The following ATOH8 variants were observed in gnomAD, a reference collection of about 807,000 sequenced individuals.
ATOH8 encodes the protein transcription factor ATOH8.
In ATOH8, 9 loss-of-function variants were observed where a neutral mutation model predicts 21.2. The ratio of observed to expected loss-of-function variants is 0.42; its 90% CI spans 0.26 to 0.74. The LOEUF (loss-of-function observed/expected upper bound fraction) is 0.74, where lower values mean the gene tolerates loss of function less well. Ranked by LOEUF, ATOH8 falls within the 30% of genes least tolerant of loss-of-function variation. The pLI, the probability that ATOH8 is intolerant of heterozygous loss-of-function variation, is 0.24. For synonymous variants in ATOH8, 253 were observed against 224.0 expected (o/e 1.13, Z -1.16); for missense variants, 524 against 470.9 (o/e 1.11, Z -1.04).
At chr2:85,768,777 G>T (rs1244657150) in intron 2 of ATOH8, among the ~76,000 whole-genome samples, 2 of 152,164 alleles carry the variant, frequency 1.3e-5, no homozygotes, top group Non-Finnish European at 2.9e-5. Context: ...CAGGGGGTGG[G>T]GAACCTGCAT....
intron 1 of ATOH8, among the ~76,000 whole-genome samples, chr2:85,759,264 G>A (rs927613764): frequency 2.0e-5 from 3 of 152,188 alleles, no homozygotes; most frequent in Non-Finnish European, 4.4e-5. Flanking sequence ...CCATCCTCTC[G>A]GGCAACGAGG....
At chr2:85,772,535 C>T (rs1339996297) in intron 2 of ATOH8, 2 of 363,590 alleles carry the variant, frequency 5.5e-6, no homozygotes, top group African/African-American at 2.1e-5. Flanking sequence ...TCAGTCACCA[C>T]AGGCCTTGGC....
Position 85,754,543 on chromosome 2 carries a change from G to A in ATOH8, c.354G>A (p.Gly118=), listed in dbSNP as rs1173706634. 2 of 1,438,704 alleles carry A rather than the reference G, an allele frequency of 1.4e-6. No individual in the cohort carries two copies. Among genetic ancestry groups the A allele is most frequent in the Admixed American group, 3.0e-5 (1 of 33,066 alleles). The allele number at this position is 1,438,704 out of a possible 1,614,324, so 89.1% of individuals were successfully genotyped here. The change falls in exon 1 of 3, where the codon GGG becomes GGA. Residue 118 remains glycine (G), a synonymous_variant. Transcript: ENST00000306279. ...RKRCFALGAV[G]PGLPTPPPPP... is the part of the protein sequence containing the mutation. ...GCTGCTTCGCCCTAGGCGCAGTGGGGCCAGGACTCCCCACGCCGCCGCCGC... is the reference window on the plus strand; with the variant it reads ...GCTGCTTCGCCCTAGGCGCAGTGGGACCAGGACTCCCCACGCCGCCGCCGC...
At chr2:85,769,342 G>A (rs958068885) in intron 2 of ATOH8, among the ~76,000 whole-genome samples, 2 of 152,236 alleles carry the variant, frequency 1.3e-5, no homozygotes, top group Non-Finnish European at 2.9e-5. Flanking sequence ...AGAAAGTGCT[G>A]AGTTGAGGGC....
intron 2 of ATOH8, chr2:85,774,782 A>G (rs958522829): frequency 3.0e-6 from 3 of 985,090 alleles, no homozygotes; most frequent in Non-Finnish European, 3.6e-6. Flanking sequence ...CTATGTCCCA[A>G]TTTACACCCC....
chr2:85,754,496 G>A lies in ATOH8; in HGVS notation c.307G>A (p.Glu103Lys). ...AGERGGSRAP[E>K]VSDARKRCFA... is the part of the protein sequence containing the mutation. Reference sequence around the variant, plus strand: ...GGAGCGCGGGGGCTCTCGGGCGCCCGAGGTCTCCGACGCGCGGAAACGCTG... The same window carrying A: ...GGAGCGCGGGGGCTCTCGGGCGCCCAAGGTCTCCGACGCGCGGAAACGCTG... Residue 103 changes from glutamate (E) to lysine (K), a missense_variant, in exon 1 of 3, where the codon GAG (glutamate) becomes AAG (lysine). Transcript: ENST00000306279. The A allele has an allele frequency of 7.0e-7, 1 of 1,434,366 alleles. No individual in the cohort carries two copies. Among genetic ancestry groups the A allele is most frequent in the Non-Finnish European group, 9.1e-7 (1 of 1,103,692 alleles). 88.9% of individuals were successfully genotyped at this position (1,434,366 alleles called of 1,614,324 possible).
At position 85,754,665 on chromosome 2, in the gene ATOH8, C is replaced by A; in HGVS notation, c.476C>A (p.Pro159Gln). 6.5e-7 allele frequency: 1 copy of A among 1,543,164 alleles called. No homozygotes were observed. The highest frequency in any genetic ancestry group is 8.7e-7 in the Non-Finnish European group (1 of 1,146,498). ...GLRPRILLCA[P>Q]PARPAPSAPP... is the part of the protein sequence containing the mutation. ...CGTCCTCGCATCTTGCTGTGCGCACCGCCCGCGCGCCCCGCGCCGTCAGCA... is the reference window on the plus strand; with the variant it reads ...CGTCCTCGCATCTTGCTGTGCGCACAGCCCGCGCGCCCCGCGCCGTCAGCA... Residue 159 changes from proline to glutamine, a missense_variant, in exon 1 of 3, where the codon CCG (proline) becomes CAG (glutamine). Transcript: ENST00000306279.
In ATOH8 at chr2:85,770,561, G is replaced by A. The variant is rs553272957; in HGVS notation, c.960+6379G>A. ...TGTCGCCAGCTGTTTGTTCTAACACGGAGTGTTCTCTCAGCTGCCGTTTCT... is the reference window on the plus strand; with the variant it reads ...TGTCGCCAGCTGTTTGTTCTAACACAGAGTGTTCTCTCAGCTGCCGTTTCT... On this transcript the variant is annotated intron_variant, in intron 2 of 2. Transcript: ENST00000306279. Among the ~76,000 whole-genome samples, 22 of 152,300 alleles carry A rather than the reference G, an allele frequency of 1.4e-4. No homozygotes were observed. In the South Asian group the frequency reaches 3.3e-3, roughly 23 times the overall value.
intron 2 of ATOH8, chr2:85,781,083 C>G (rs1462576153): frequency 1.0e-6 from 1 of 987,938 alleles, no homozygotes; most frequent in East Asian, 1.1e-4. Flanking sequence ...CAAGGATGTC[C>G]AGGCTTGAGT....
intron 2 of ATOH8, among the ~76,000 whole-genome samples, chr2:85,764,796 C>T (rs905891306): frequency 1.3e-5 from 2 of 152,140 alleles, no homozygotes; most frequent in African/African-American, 2.4e-5. Context: ...TAGATGAGGG[C>T]AGGAGCCCTG....
At chr2:85,760,907 G>A (rs1679853225) in intron 1 of ATOH8, 1 of 152,266 alleles carries the variant, frequency 6.6e-6, no homozygotes, top group Non-Finnish European at 1.5e-5. Flanking sequence ...CCGCTTGTAA[G>A]TGCCTGGAAT....
chr2:85,783,740 A>G (rs1431851659), intron 2 of ATOH8: 2 of 151,988 alleles, frequency 1.3e-5, no homozygotes, highest in Non-Finnish European at 2.9e-5. Flanking sequence ...TGCCCCTCAC[A>G]TGGGACACAG....
chr2:85,775,921 G>T (rs1473121961), intron 2 of ATOH8, among the ~76,000 whole-genome samples: 1 of 152,142 alleles, frequency 6.6e-6, no homozygotes, highest in Non-Finnish European at 1.5e-5. Flanking sequence ...CTTTGAGCTT[G>T]CCCAGTCCTC....
At chr2:85,763,923 C>T in intron 1 of ATOH8, 68 bp from the exon 2 acceptor site, 1 of 1,492,616 alleles carries the variant, frequency 6.7e-7, no homozygotes, top group South Asian at 1.3e-5. Context: ...CATAGACAGG[C>T]CGTCTCCCAT....
chr2:85,769,935 CAT>C (rs527392458), intron 2 of ATOH8, among the ~76,000 whole-genome samples: 2 of 152,222 alleles, frequency 1.3e-5, no homozygotes, highest in Non-Finnish European at 2.9e-5. Context: ...GAGGAGCTGT[CAT>C]AAGTGATTTC....
At chr2:85,756,265 G>T (rs1032376884) in intron 1 of ATOH8, among the ~76,000 whole-genome samples, 1 of 152,152 alleles carries the variant, frequency 6.6e-6, no homozygotes, top group Non-Finnish European at 1.5e-5. Context: ...AACCCTGGGC[G>T]GTGGGTCCAG....
intron 1 of ATOH8, among the ~76,000 whole-genome samples, chr2:85,763,426 T>A (rs1306128453): frequency 6.6e-6 from 1 of 152,072 alleles, no homozygotes; most frequent in Admixed American, 6.6e-5. Flanking sequence ...AAAAGATTTT[T>A]AAAAAATGAA....
At chr2:85,777,357 G>A (rs887192427) in intron 2 of ATOH8, among the ~76,000 whole-genome samples, 3 of 152,022 alleles carry the variant, frequency 2.0e-5, no homozygotes, top group African/African-American at 7.3e-5. Context: ...GGGGTATCAG[G>A]CCATGGAGCA....
Position 85,754,012 on chromosome 2 carries a change from G to A in ATOH8, c.-178G>A. ...CTTCAGATGACACTCTGAGCGCTCC[G>A]GGAACGGACAGCCCGGCGGCTTCCC... On this transcript the variant is annotated 5_prime_UTR_variant, in exon 1 of 3. Coordinates refer to ENST00000306279, the MANE Select transcript of ATOH8 (RefSeq NM_032827.7). 1 of 641,464 alleles carries A rather than the reference G, an allele frequency of 1.6e-6. No individual in the cohort carries two copies. The highest frequency in any genetic ancestry group is 2.4e-6 in the Non-Finnish European group (1 of 412,670). 39.7% of individuals were successfully genotyped at this position (641,464 alleles called of 1,614,324 possible). A position where few individuals can be genotyped will look rare whatever the true frequency, so the allele number is the denominator to read the frequency against.
Sources: allele counts gnomAD v4.1 joint callset (sites outside exome capture counted in the v4.1 genomes callset), GRCh38; gene constraint gnomAD v4.1.1; transcripts MANE v1.5; gene names NCBI Gene and HGNC (gene_info 2026-07-23, HGNC 2026-07-21).